CLIP1: variants seen among roughly 807,000 people sequenced by gnomAD.
CLIP1 encodes the protein CAP-Gly domain containing linker protein 1.
A neutral mutation model predicts 161.6 loss-of-function variants in CLIP1; 66 were observed. That is an observed-to-expected ratio of 0.41 (90% CI 0.33 to 0.50). The LOEUF (loss-of-function observed/expected upper bound fraction) is 0.50. Among genes scored for constraint, CLIP1 ranks in the 20% least tolerant of loss-of-function variants. CLIP1 has a pLI of 0.27. For synonymous variants in CLIP1, 598 were observed against 626.2 expected (o/e 0.96, Z 0.67); for missense variants, 1,376 against 1,702.0 (o/e 0.81, Z 3.37).
At position 122,340,975 on chromosome 12, in the gene CLIP1, C is replaced by A. The variant is rs757189888; in HGVS notation, c.2229G>T (p.Lys743Asn). The A allele has an allele frequency of 6.2e-7, 1 of 1,614,190 alleles. No individual in the cohort carries two copies. Among genetic ancestry groups the A allele is most frequent in the East Asian group, 2.2e-5 (1 of 44,888 alleles). ...NKLQEAEIKVKELEVLQAKCN... is the reference protein window; with the variant it reads ...NKLQEAEIKVNELEVLQAKCN... The stretch of plus-strand genomic sequence containing the variant: ...ATTTGGCTTGCAGTACCTCTAGCTC[C>A]TTTACCTTTATTTCAGCTTCCTGTA... Residue 743 changes from lysine (K) to asparagine (N), a missense_variant, in exon 11 of 26, where the codon AAG becomes AAT. Lys to Asn is a moderately conservative substitution (Grantham distance 94, BLOSUM62 0). This residue lies in a region of CLIP1 where 948 missense variants were observed against 1,134.8 expected (regional missense o/e 0.84). Coordinates refer to ENST00000620786, the MANE Select transcript of CLIP1 (RefSeq NM_001247997.2).
chr12:122,390,745 C>T (rs1955620096), intron 1 of CLIP1, among the ~76,000 whole-genome samples: 1 of 148,680 alleles, frequency 6.7e-6, no homozygotes, highest in South Asian at 2.1e-4. Context: ...TTTTTCAAGT[C>T]AAGAACCATT....
chr12:122,290,113 G>C (rs1460929242), intron 20 of CLIP1, among the ~76,000 whole-genome samples: 2 of 152,128 alleles, frequency 1.3e-5, no homozygotes, highest in African/African-American at 4.8e-5. Context: ...GCTTCCAACA[G>C]CCTAGAATTT....
intron 20 of CLIP1, among the ~76,000 whole-genome samples, chr12:122,294,355 A>C (rs12824398): frequency 0.22 from 33,062 of 147,056 alleles, 4,470 homozygotes; most frequent in East Asian, 0.61. Flanking sequence ...AAAAAAAAAA[A>C]CCCCAAACTG....
intron 1 of CLIP1, among the ~76,000 whole-genome samples, chr12:122,404,051 A>G (rs757700833): frequency 6.6e-6 from 1 of 152,210 alleles, no homozygotes; most frequent in Non-Finnish European, 1.5e-5. Context: ...CGGTAAGCGC[A>G]TGAGTGAGCG....
chr12:122,401,420 C>T (rs1956137954), intron 1 of CLIP1, among the ~76,000 whole-genome samples: 1 of 152,102 alleles, frequency 6.6e-6, no homozygotes, highest in Admixed American at 6.5e-5. Context: ...AATCCTAGCA[C>T]TTTGGGAGGC....
chr12:122,341,778 TTTTTTTTTTTTTTTTTTTTTTTG>T (rs1952519436), intron 10 of CLIP1, 81 bp from the exon 11 acceptor site: 1 of 700,976 alleles, frequency 1.4e-6, no homozygotes, highest in African/African-American at 4.4e-5. Context: ...TTTTTTTTTT[TTTTTTTTTTTTTTTTTTTTTTTG>T]AGATGGAGTT....
intron 3 of CLIP1, among the ~76,000 whole-genome samples, chr12:122,373,726 A>G (rs8181750): frequency 0.12 from 17,523 of 152,222 alleles, 1,410 homozygotes; most frequent in East Asian, 0.45. Flanking sequence ...TCCAAAGAGT[A>G]TAATATGAAA....
At position 122,272,328 on chromosome 12, in the gene CLIP1, T is replaced by C. The variant is rs1398951202; in HGVS notation, c.*547A>G. 2 of 154,618 alleles carry C rather than the reference T, an allele frequency of 1.3e-5. No homozygotes were observed. The highest frequency in any genetic ancestry group is 1.9e-4 in the East Asian group (1 of 5,264). 9.6% of individuals were successfully genotyped at this position (154,618 alleles called of 1,614,324 possible). A position where few individuals can be genotyped will look rare whatever the true frequency, so the allele number is the denominator to read the frequency against. On this transcript the variant is annotated 3_prime_UTR_variant, in exon 26 of 26. Transcript: ENST00000620786. ...ATTTTATAATCACACCTAAGTATTA[T>C]CAAGCCTGAAGTAAAGGCACTACTG... is the stretch of plus-strand genomic sequence containing the variant.
intron 3 of CLIP1, among the ~76,000 whole-genome samples, chr12:122,368,836 C>T (rs58470544): frequency 0.028 from 4,239 of 151,526 alleles, 218 homozygotes; most frequent in African/African-American, 0.098. Flanking sequence ...GAGGTTGAGG[C>T]GGGAAAATCA....
At chr12:122,281,286 A>G (rs1955634379) in intron 21 of CLIP1, among the ~76,000 whole-genome samples, 1 of 152,214 alleles carries the variant, frequency 6.6e-6, no homozygotes, top group South Asian at 2.1e-4. Context: ...TTGTTAGGAC[A>G]TAGGCTCTTG....
chr12:122,344,865 T>C (rs538464359), intron 10 of CLIP1, among the ~76,000 whole-genome samples: 5 of 152,222 alleles, frequency 3.3e-5, no homozygotes, highest in Admixed American at 6.5e-5. Context: ...GGGTAGCTGG[T>C]TATCTTAACA....
At chr12:122,339,184 A>G (rs1952377265) in intron 11 of CLIP1, among the ~76,000 whole-genome samples, 3 of 152,228 alleles carry the variant, frequency 2.0e-5, no homozygotes. Flanking sequence ...CCTTGACCAC[A>G]TGCACACTTG....
At chr12:122,282,641 A>C (rs1566073211) in intron 21 of CLIP1, among the ~76,000 whole-genome samples, 1 of 150,556 alleles carries the variant, frequency 6.6e-6, no homozygotes, top group Non-Finnish European at 1.5e-5. Context: ...TATAGATATA[A>C]AAAGGAAATA....
chr12:122,285,988 C>G (rs1222191662), intron 21 of CLIP1, among the ~76,000 whole-genome samples: 1 of 151,366 alleles, frequency 6.6e-6, no homozygotes, highest in Non-Finnish European at 1.5e-5. Flanking sequence ...TTTTCAAGTT[C>G]CCTGGAGAAC....
intron 4 of CLIP1, 44 bp downstream of exon 4, chr12:122,363,939 C>CACGTG (rs1157657422): frequency 6.2e-7 from 1 of 1,612,864 alleles, no homozygotes; most frequent in East Asian, 2.2e-5. Context: ...TGAGCATCGT[C>CACGTG]ACGTACAAGA....
chr12:122,276,383 C>CACACACACACACAT, intron 24 of CLIP1: 1 of 456,170 alleles, frequency 2.2e-6, no homozygotes, highest in Non-Finnish European at 2.9e-6. Flanking sequence ...AGTGGGAAAC[C>CACACACACACACAT]ACACACACAC....
At chr12:122,415,372 C>G (rs1162651511) in intron 1 of CLIP1, among the ~76,000 whole-genome samples, 2 of 151,270 alleles carry the variant, frequency 1.3e-5, no homozygotes, top group Non-Finnish European at 2.9e-5. Flanking sequence ...GTCCCAGCTA[C>G]TCGGGAGGCT....
chr12:122,333,312 T>C (rs1456425539), intron 14 of CLIP1, among the ~76,000 whole-genome samples, 169 bp from the exon 15 acceptor site: 2 of 152,068 alleles, frequency 1.3e-5, no homozygotes, highest in African/African-American at 4.8e-5. Flanking sequence ...ATAAATCATA[T>C]AATTAATAGC....
intron 11 of CLIP1, 94 bp from the exon 12 acceptor site, chr12:122,336,842 T>A (rs942747693): frequency 1.9e-6 from 1 of 534,714 alleles, no homozygotes; most frequent in Admixed American, 3.4e-5. Flanking sequence ...AAAAAACTTA[T>A]GAGAAACATA....
Sources: allele counts gnomAD v4.1 joint callset (sites outside exome capture counted in the v4.1 genomes callset), GRCh38; gene constraint gnomAD v4.1.1; regional missense constraint gnomAD v4.1.1; transcripts MANE v1.5; gene names NCBI Gene and HGNC (gene_info 2026-07-23, HGNC 2026-07-21).